HDAC1: variants seen among roughly 807,000 people sequenced by gnomAD.
The protein encoded by HDAC1 is protein deacetylase HDAC1.
A neutral mutation model predicts 65.5 loss-of-function variants in HDAC1; 18 were observed. That is an observed-to-expected ratio of 0.27 (90% CI 0.19 to 0.41). The LOEUF (loss-of-function observed/expected upper bound fraction) is 0.41. Ranked by LOEUF, HDAC1 falls within the 10% of genes least tolerant of loss-of-function variation. The probability of loss-of-function intolerance (pLI) is 1.00; values close to 1 mark genes in which losing one functional copy is unlikely to be tolerated. For synonymous variants in HDAC1, 211 were observed against 227.9 expected, an observed-to-expected ratio of 0.93 and a Z score of 0.67; for missense variants, 373 against 625.2, an observed-to-expected ratio of 0.60 and a Z score of 4.30.
At position 32,330,668 on chromosome 1, in the gene HDAC1, T is replaced by C; in HGVS notation, c.820T>C (p.Phe274Leu). The change falls in exon 8 of 14, where the codon TTC (phenylalanine) becomes CTC (leucine). Residue 274 changes from phenylalanine to leucine, a missense_variant. Around this residue, in one of 4 missense-constraint regions of HDAC1, gnomAD observed 105 missense variants for 192.6 expected, o/e 0.55. Transcript: ENST00000373548. This position sits in a 1 kb window ranked among gnomAD's most constrained non-coding sequence, Gnocchi z 4.2. ...DSLSGDRLGC[F>L]NLTIKGHAKC... is the part of the protein sequence containing the mutation. ...CCTATCTGGGGATCGGTTAGGTTGC[T>C]TCAATCTAACTATCAAAGGTGAGAC... 6.2e-7 allele frequency: 1 copy of C among 1,613,402 alleles called. No individual in the cohort carries two copies. Among genetic ancestry groups the C allele is most frequent in the Non-Finnish European group, 8.5e-7 (1 of 1,179,328 alleles).
Position 32,327,159 on chromosome 1 carries a change from A to G in HDAC1, c.494+82A>G, listed in dbSNP as rs1475102717. On this transcript the variant is annotated intron_variant, in intron 5 of 13. Transcript: ENST00000373548. This position sits in a 1 kb window ranked among gnomAD's most constrained non-coding sequence, Gnocchi z 6.0. ...CCTCTTCCCCTGGGCTTGCCTCCCT[A>G]GTTTGCTTTTCCTACCGATGTGCTG... 21 of 1,476,752 alleles carry G rather than the reference A, an allele frequency of 1.4e-5. No individual in the cohort carries two copies. Among genetic ancestry groups the G allele is most frequent in the Middle Eastern group, 1.7e-4 (1 of 5,766 alleles). The allele number at this position is 1,476,752 out of a possible 1,614,324, so 91.5% of individuals were successfully genotyped here.
chr1:32,313,082 T>TTTTATTTATTTA (rs35808493), intron 2 of HDAC1, among the ~76,000 whole-genome samples: 6 of 148,400 alleles, frequency 4.0e-5, no homozygotes, highest in South Asian at 2.1e-4. Flanking sequence ...ACTTATTTTA[T>TTTTATTTATTTA]TTTATTTATT....
chr1:32,319,076 G>A (rs1020765468), intron 3 of HDAC1, among the ~76,000 whole-genome samples: 3 of 151,596 alleles, frequency 2.0e-5, no homozygotes, highest in African/African-American at 7.3e-5. Context: ...CCAAGATCGC[G>A]CCACTGCACT....
At chr1:32,292,260 CG>C (rs1640708382) in intron 1 of HDAC1, 42 bp downstream of exon 1, 1 of 1,546,048 alleles carries the variant, frequency 6.5e-7, no homozygotes, top group African/African-American at 1.4e-5. Flanking sequence ...CAGGCCGGGC[CG>C]GACCGGGAAC....
At chr1:32,298,591 A>G (rs1348330180) in intron 1 of HDAC1, among the ~76,000 whole-genome samples, 1 of 152,210 alleles carries the variant, frequency 6.6e-6, no homozygotes, top group African/African-American at 2.4e-5. Flanking sequence ...TGGCTCTGCC[A>G]TTGAGAAGCT....
At chr1:32,326,233 T>G (rs996142464) in intron 4 of HDAC1, among the ~76,000 whole-genome samples, 22 of 150,758 alleles carry the variant, frequency 1.5e-4, no homozygotes, top group African/African-American at 4.9e-4. Flanking sequence ...TGATCTTGGC[T>G]CACTGCAACC....
chr1:32,292,404 A>G, intron 1 of HDAC1, 186 bp downstream of exon 1: 1 of 985,234 alleles, frequency 1.0e-6, no homozygotes. Flanking sequence ...ATCGAGGCTG[A>G]GACCAAGAGG....
Position 32,329,472 on chromosome 1 carries a change from A to G in HDAC1, c.729+312A>G. On this transcript the variant is annotated intron_variant, in intron 7 of 13. Transcript: ENST00000373548. The surrounding 1 kb of genome is among the most constrained non-coding windows in gnomAD (Gnocchi z 4.1). Reference sequence around the variant, plus strand: ...TGATTAGTACTGTTTTTGTATCTCCATTTCTTTGGGCTGCTGGGAGATTAT... The same window carrying G: ...TGATTAGTACTGTTTTTGTATCTCCGTTTCTTTGGGCTGCTGGGAGATTAT... 2.2e-6 allele frequency: 1 copy of G among 452,126 alleles called. No individual in the cohort carries two copies. Among genetic ancestry groups the G allele is most frequent in the Non-Finnish European group, 4.0e-6 (1 of 248,046 alleles). 28.0% of individuals were successfully genotyped at this position (452,126 alleles called of 1,614,324 possible).
Position 32,316,650 on chromosome 1 carries a change from CCT to C in HDAC1, c.163-14_163-13del. 6.6e-7 allele frequency: 1 copy of C among 1,519,534 alleles called. No individual in the cohort carries two copies. Among genetic ancestry groups the C allele is most frequent in the Non-Finnish European group, 9.1e-7 (1 of 1,094,958 alleles). The allele number at this position is 1,519,534 out of a possible 1,614,324, so 94.1% of individuals were successfully genotyped here. ...GGTCAAAAATAACTTGCCCTTTCTC[CCT>C]TCTGCCCTCTAGCGCCCTCACAAAG... On this transcript the variant is annotated splice_polypyrimidine_tract_variant and intron_variant, in intron 2 of 13. Coordinates refer to ENST00000373548, the MANE Select transcript of HDAC1 (RefSeq NM_004964.3).
intron 4 of HDAC1, among the ~76,000 whole-genome samples, chr1:32,324,975 A>G (rs1171898614): frequency 2.6e-5 from 4 of 151,962 alleles, no homozygotes; most frequent in East Asian, 1.9e-4. Context: ...CCAAAAAAAA[A>G]ATTTAAAAAG....
chr1:32,332,094 C>T lies in HDAC1; in HGVS notation c.1224C>T (p.Cys408=). 1 of 1,597,100 alleles carries T rather than the reference C, an allele frequency of 6.3e-7. No individual in the cohort carries two copies. Among genetic ancestry groups the T allele is most frequent in the Non-Finnish European group, 8.5e-7 (1 of 1,172,426 alleles). ...EDDPDKRISI[C]SSDKRIACEE... is the part of the protein sequence containing the mutation. ...ATGCTTCCCACTCCCTCCCAGTCTGCTCCTCTGACAAACGAATTGCCTGTG... is the reference window on the plus strand; with the variant it reads ...ATGCTTCCCACTCCCTCCCAGTCTGTTCCTCTGACAAACGAATTGCCTGTG... Residue 408 remains cysteine (C), a synonymous_variant, in exon 12 of 14, where the codon TGC becomes TGT. Transcript: ENST00000373548.
In HDAC1 at chr1:32,329,295, G is replaced by A; in HGVS notation, c.729+135G>A. 1.5e-6 allele frequency: 1 copy of A among 687,720 alleles called. No individual in the cohort carries two copies. Among genetic ancestry groups the A allele is most frequent in the East Asian group, 2.6e-5 (1 of 37,778 alleles). 42.6% of individuals were successfully genotyped at this position (687,720 alleles called of 1,614,324 possible). On this transcript the variant is annotated intron_variant, in intron 7 of 13. Transcript: ENST00000373548. This position sits in a 1 kb window ranked among gnomAD's most constrained non-coding sequence, Gnocchi z 4.1. ...GGGGAGATAGAAGTGTTTGAACCCT[G>A]GATTGCTGTGTGGTCAGTTAGGGGA...
intron 1 of HDAC1, among the ~76,000 whole-genome samples, chr1:32,301,809 T>C (rs1640853189): frequency 6.6e-6 from 1 of 152,166 alleles, no homozygotes; most frequent in African/African-American, 2.4e-5. Flanking sequence ...TCTGAAGTTA[T>C]TATTATTAAA....
At chr1:32,320,985 A>G (rs1389984818) in intron 3 of HDAC1, among the ~76,000 whole-genome samples, 3 of 151,240 alleles carry the variant, frequency 2.0e-5, no homozygotes, top group Non-Finnish European at 4.4e-5. Context: ...AATATAATGC[A>G]CTTTGGGAGG....
In HDAC1 at chr1:32,327,615, C is replaced by T. The variant is rs1427903376; in HGVS notation, c.574C>T (p.Arg192Trp). ...GGAAGAGGCCTTCTACACCACGGAC[C>T]GGGTCATGACTGTGTCCTTTCATAA... ...GVEEAFYTTDRVMTVSFHKYG... is the reference protein window; with the variant it reads ...GVEEAFYTTDWVMTVSFHKYG... The change falls in exon 6 of 14, where the codon CGG becomes TGG. Residue 192 changes from arginine to tryptophan, a missense_variant. Arg to Trp is a moderately radical substitution (Grantham distance 101). This residue lies in a region of HDAC1 where 62 missense variants were observed against 180.0 expected (regional missense o/e 0.34). Transcript: ENST00000373548. This position sits in a 1 kb window ranked among gnomAD's most constrained non-coding sequence, Gnocchi z 6.0. The T allele has an allele frequency of 2.5e-6, 4 of 1,613,402 alleles. No homozygotes were observed. Among genetic ancestry groups the T allele is most frequent in the Non-Finnish European group, 3.4e-6 (4 of 1,179,360 alleles).
At chr1:32,316,289 A>AAAAAAAAAAAAAAAAAAC (rs1641063249) in intron 2 of HDAC1, among the ~76,000 whole-genome samples, 1 of 152,204 alleles carries the variant, frequency 6.6e-6, no homozygotes, top group African/African-American at 2.4e-5. Context: ...GTCTCAAAAA[A>AAAAAAAAAAAAAAAAAAC]AAAAAGTAAT....
chr1:32,304,806 C>T (rs1002295515), intron 2 of HDAC1, among the ~76,000 whole-genome samples: 6 of 152,142 alleles, frequency 3.9e-5, no homozygotes, highest in East Asian at 1.9e-4. Flanking sequence ...CAAAGCAATC[C>T]GCCTGCCTCG....
chr1:32,306,696 G>A (rs1411609664), intron 2 of HDAC1, among the ~76,000 whole-genome samples: 1 of 152,128 alleles, frequency 6.6e-6, no homozygotes, highest in Non-Finnish European at 1.5e-5. Context: ...ATCCTGGACT[G>A]TGTTTCCTGT....
At position 32,333,557 on chromosome 1, in the gene HDAC1, CTA is replaced by C. The variant is rs925964757; in HGVS notation, c.*514_*515del. The C allele has an allele frequency of 6.6e-6, 1 of 152,554 alleles. No homozygotes were observed. The highest frequency in any genetic ancestry group is 2.4e-5 in the African/African-American group (1 of 41,434). The allele number at this position is 152,554 out of a possible 1,614,324, so 9.5% of individuals were successfully genotyped here. On this transcript the variant is annotated 3_prime_UTR_variant, in exon 14 of 14. Coordinates refer to ENST00000373548, the MANE Select transcript of HDAC1 (RefSeq NM_004964.3). Reference sequence around the variant, plus strand: ...AATTCTGCAGGTGGAGGTTGCTAGTCTAGTTTCCTTTTTGAGATACTATTTTC... The same window carrying C: ...AATTCTGCAGGTGGAGGTTGCTAGTCGTTTCCTTTTTGAGATACTATTTTC...
Sources: allele counts gnomAD v4.1 joint callset (sites outside exome capture counted in the v4.1 genomes callset), GRCh38; gene constraint gnomAD v4.1.1; regional missense constraint gnomAD v4.1.1; non-coding constraint Gnocchi (gnomAD v3.1); transcripts MANE v1.5; gene names NCBI Gene and HGNC (gene_info 2026-07-23, HGNC 2026-07-21).